The following TAS2R30 variants were observed in gnomAD, a reference collection of about 807,000 sequenced individuals.
TAS2R30 encodes taste receptor type 2 member 30.
For synonymous variants in TAS2R30, 141 were observed against 131.6 expected (o/e 1.07, Z -0.49); for missense variants, 395 against 371.6 (o/e 1.06, Z -0.52).
rs962328527 is a variant in TAS2R30 at position 11,134,359 on chromosome 12, C to A, written c.-115G>T. 2.8e-5 allele frequency: 34 copies of A among 1,203,588 alleles called. 1 individual carries two copies. Among genetic ancestry groups the A allele is most frequent in the Non-Finnish European group, 3.4e-6 (3 of 879,308 alleles). The allele number at this position is 1,203,588 out of a possible 1,614,324, so 74.6% of individuals were successfully genotyped here. A position where few individuals can be genotyped will look rare whatever the true frequency, so the allele number is the denominator to read the frequency against. ...CACCTGATTTGTGTATGTGCTGTGA[C>A]ATTCTTTTTACTTTTAATTGCTGTG... On this transcript the variant is annotated 5_prime_UTR_variant, in exon 1 of 1. It removes an upstream start codon present in the reference 5' UTR. Coordinates refer to ENST00000539585, the Ensembl canonical transcript of TAS2R30.
exon 1 of TAS2R30, chr12:11,133,510 C>G (rs761837405): frequency 6.3e-7 from 1 of 1,596,572 alleles, no homozygotes; most frequent in Admixed American, 1.7e-5. Flanking sequence ...CTGATATGAT[C>G]ATGGACAGAA....
exon 1 of TAS2R30, chr12:11,133,280 T>C (rs1464734058): frequency 6.3e-7 from 1 of 1,592,990 alleles, no homozygotes; most frequent in African/African-American, 1.4e-5. Flanking sequence ...CCAGTTTGTT[T>C]TCTGCTAGAA....
exon 1 of TAS2R30, chr12:11,134,148 T>C (rs1265765480): frequency 1.9e-6 from 3 of 1,614,072 alleles, no homozygotes; most frequent in East Asian, 4.5e-5. Flanking sequence ...ACCCACTCAA[T>C]GGAATTTACC....
Position 11,133,885 on chromosome 12 carries a change from G to T in TAS2R30, c.360C>A (p.Arg120=), listed in dbSNP as rs747487602. ...CAACACTCTTAACTCTCCTCTTTAT[G>T]CGAAGAAAAATAAGGTTGGAGAAAT... Residue 120 remains arginine (R), a synonymous_variant, in exon 1 of 1, where the codon CGC becomes CGA. Coordinates refer to ENST00000539585, the Ensembl canonical transcript of TAS2R30. 2.5e-6 allele frequency: 4 copies of T among 1,613,978 alleles called. No homozygotes were observed. In the Admixed American group the frequency reaches 6.7e-5, roughly 27 times the overall value.
At chr12:11,133,142 C>CACACAT (rs1193215610) in exon 1 of TAS2R30, 3 of 965,740 alleles carry the variant, frequency 3.1e-6, no homozygotes, top group African/African-American at 1.7e-5. Context: ...CACACACACA[C>CACACAT]ATCTATATAT....
chr12:11,133,032 G>T (rs371930420), exon 1 of TAS2R30: 1 of 407,950 alleles, frequency 2.5e-6, no homozygotes, highest in East Asian at 3.7e-5. Flanking sequence ...TCATAATTGA[G>T]GAATTTTTGT....
exon 1 of TAS2R30, chr12:11,134,010 C>G (rs1458859208): frequency 6.2e-7 from 1 of 1,613,974 alleles, no homozygotes; most frequent in African/African-American, 1.3e-5. Context: ...ATTCTTACTT[C>G]TACACTATAA....
exon 1 of TAS2R30, chr12:11,134,263 A>C (rs1283157651): frequency 3.8e-6 from 6 of 1,590,596 alleles, no homozygotes; most frequent in Middle Eastern, 1.7e-4. Flanking sequence ...AGACAAAAAG[A>C]AATTTTTAAA....
At chr12:11,133,389 G>A (rs1417553971) in exon 1 of TAS2R30, 1 of 1,613,924 alleles carries the variant, frequency 6.2e-7, no homozygotes, top group Admixed American at 1.7e-5. Context: ...ATCTGCTTTA[G>A]CTTCTTGTTT....
rs1946489605 is a variant in TAS2R30 at position 11,134,521 on chromosome 12, T to C, written c.-277A>G. The C allele has an allele frequency of 2.6e-6, 1 of 382,070 alleles. No homozygotes were observed. Among genetic ancestry groups the C allele is most frequent in the Non-Finnish European group, 4.6e-6 (1 of 215,706 alleles). 23.7% of individuals were successfully genotyped at this position (382,070 alleles called of 1,614,324 possible). A position where few individuals can be genotyped will look rare whatever the true frequency, so the allele number is the denominator to read the frequency against. On this transcript the variant is annotated 5_prime_UTR_variant, in exon 1 of 1. It adds an upstream start codon to the 5' untranslated region. Transcript: ENST00000539585. ...ATCTGTTCTTGTTATAGGCTGGAAT[T>C]ATTCATACTGAAATTGACATGAAAC...
exon 1 of TAS2R30, chr12:11,133,504 T>C: frequency 3.1e-6 from 5 of 1,614,150 alleles, no homozygotes; most frequent in Non-Finnish European, 4.2e-6. Flanking sequence ...TACAAACTGA[T>C]ATGATCATGG....
At chr12:11,134,090 G>A (rs374458254) in exon 1 of TAS2R30, 52 of 1,613,966 alleles carry the variant, frequency 3.2e-5, no homozygotes, top group African/African-American at 4.0e-5. Context: ...TCTGGAGACC[G>A]CCAGAGCAGT....
exon 1 of TAS2R30, chr12:11,133,860 C>G (rs756309845): frequency 6.2e-6 from 10 of 1,604,622 alleles, no homozygotes; most frequent in Non-Finnish European, 8.5e-6. Context: ...ATCACCAGAA[C>G]AACACTCTTA....
exon 1 of TAS2R30, chr12:11,133,224 A>T: frequency 1.3e-6 from 2 of 1,534,912 alleles, no homozygotes; most frequent in Non-Finnish European, 1.7e-6. Context: ...TCATATACAT[A>T]TATTACAGAA....
exon 1 of TAS2R30, chr12:11,133,344 C>T (rs566536126): frequency 4.3e-6 from 7 of 1,613,534 alleles, no homozygotes; most frequent in Middle Eastern, 1.6e-4. Flanking sequence ...CTGTCTTTCA[C>T]CCAGTACCTC....
chr12:11,133,512 T>C (rs1183271054), exon 1 of TAS2R30: 1 of 1,604,868 alleles, frequency 6.2e-7, no homozygotes, highest in Non-Finnish European at 8.5e-7. Context: ...GATATGATCA[T>C]GGACAGAAAG....
At chr12:11,133,141 A>ACACG (rs1253809323) in exon 1 of TAS2R30, 4 of 988,208 alleles carry the variant, frequency 4.0e-6, no homozygotes, top group Non-Finnish European at 5.6e-6. Flanking sequence ...ACACACACAC[A>ACACG]CATCTATATA....
exon 1 of TAS2R30, chr12:11,133,751 T>A (rs777514932): frequency 6.2e-7 from 1 of 1,614,088 alleles, no homozygotes; most frequent in African/African-American, 1.3e-5. Context: ...CAATTTGATC[T>A]TCCAAGTCAC....
At chr12:11,133,328 A>G (rs1253560650) in exon 1 of TAS2R30, 1 of 1,613,592 alleles carries the variant, frequency 6.2e-7, no homozygotes, top group Non-Finnish European at 8.5e-7. Flanking sequence ...ATGGAGACGA[A>G]GGCTTCTGTC....
Sources: allele counts gnomAD v4.1 joint callset, GRCh38; gene constraint gnomAD v4.1.1; transcripts MANE v1.5; gene names NCBI Gene and HGNC (gene_info 2026-07-23, HGNC 2026-07-21).